MYBPHL: variants seen among roughly 807,000 people sequenced by gnomAD.
The protein encoded by MYBPHL is myosin binding protein H like, also known as myosin-binding protein H-like.
In MYBPHL, 32 loss-of-function variants were observed where a neutral mutation model predicts 39.5. That is an observed-to-expected ratio of 0.81 (90% CI 0.61 to 1.09). MYBPHL has a LOEUF of 1.09. Ranked by LOEUF, MYBPHL falls within the 50% of genes least tolerant of loss-of-function variation. The pLI is 0.00. For synonymous variants in MYBPHL, 196 were observed against 183.7 expected (o/e 1.07, Z -0.54); for missense variants, 456 against 460.2 (o/e 0.99, Z 0.08).
chr1:109,297,768 G>A (rs1484715910), intron 2 of MYBPHL, 151 bp from the exon 3 acceptor site: 3 of 665,218 alleles, frequency 4.5e-6, no homozygotes, highest in Non-Finnish European at 2.5e-6. Flanking sequence ...CCTCCCGGGG[G>A]CCTCCTCCTT....
At position 109,295,145 on chromosome 1, in the gene MYBPHL, C is replaced by T; in HGVS notation, c.1020G>A (p.Gly340=). The T allele has an allele frequency of 6.2e-7, 1 of 1,613,782 alleles. No homozygotes were observed. Among genetic ancestry groups the T allele is most frequent in the Non-Finnish European group, 8.5e-7 (1 of 1,179,968 alleles). Residue 340 remains glycine, a synonymous_variant, in exon 7 of 9, where the codon GGG becomes GGA. Coordinates refer to ENST00000357155, the MANE Select transcript of MYBPHL (RefSeq NM_001010985.3). ...IYTCKAVNPL[G]EASVDCRVDV... ...CCACCCGACAGTCCACAGATGCCTC[C>T]CCTAGGGGGTTCACCGCCTTGCAGG... is the stretch of plus-strand genomic sequence containing the variant.
At chr1:109,301,545 A>G (rs1658279011) in intron 1 of MYBPHL, among the ~76,000 whole-genome samples, 1 of 152,200 alleles carries the variant, frequency 6.6e-6, no homozygotes, top group Non-Finnish European at 1.5e-5. Flanking sequence ...GTTCAAGACC[A>G]GCCTGGTCAA....
chr1:109,295,978 T>A (rs1658043841), intron 6 of MYBPHL, among the ~76,000 whole-genome samples: 1 of 152,194 alleles, frequency 6.6e-6, no homozygotes, highest in African/African-American at 2.4e-5. Flanking sequence ...TTGAGGCGCA[T>A]GCCTAATTGC....
intron 1 of MYBPHL, among the ~76,000 whole-genome samples, chr1:109,299,229 G>A (rs2101479516): frequency 6.6e-6 from 1 of 152,298 alleles, no homozygotes; most frequent in South Asian, 2.1e-4. Flanking sequence ...AGTAGAATGT[G>A]ATAGTGCTTC....
At position 109,306,996 on chromosome 1, in the gene MYBPHL, G is replaced by C. The variant is rs760827759; in HGVS notation, c.-5C>G. ...CGGAGCTGTGGCTGCCTCCATGCTG[G>C]GCCTTCCCAGAGGCTGAGCTCCAGC... is the stretch of plus-strand genomic sequence containing the variant. On this transcript the variant is annotated 5_prime_UTR_variant, in exon 1 of 9. Coordinates refer to ENST00000357155, the MANE Select transcript of MYBPHL (RefSeq NM_001010985.3). 12 of 1,608,478 alleles carry C rather than the reference G, an allele frequency of 7.5e-6. No homozygotes were observed. The highest frequency in any genetic ancestry group is 1.0e-5 in the Non-Finnish European group (12 of 1,177,658).
chr1:109,300,750 A>G (rs1348205157), intron 1 of MYBPHL, among the ~76,000 whole-genome samples: 2 of 148,116 alleles, frequency 1.4e-5, no homozygotes, highest in Non-Finnish European at 2.9e-5. Context: ...GCAAGGAAGG[A>G]GGCTGCCCGC....
In MYBPHL at chr1:109,303,681, C is replaced by G. The variant is rs371161529; in HGVS notation, c.145+3166G>C. ...CGATCTTGCTAGTGTCTAAGGCCCA[C>G]CTACAGTCTATTCTTAACATGGCCA... On this transcript the variant is annotated intron_variant, in intron 1 of 8. Transcript: ENST00000357155. Among the ~76,000 whole-genome samples the G allele has an allele frequency of 7.2e-5, 11 of 152,274 alleles. No individual in the cohort carries two copies. In the East Asian group the frequency reaches 2.1e-3, roughly 29 times the overall value.
chr1:109,306,294 G>C (rs894293266), intron 1 of MYBPHL, among the ~76,000 whole-genome samples: 1 of 152,106 alleles, frequency 6.6e-6, no homozygotes, highest in Non-Finnish European at 1.5e-5. Flanking sequence ...CTTCTCCCAG[G>C]AGAGCTCCAC....
chr1:109,304,591 C>A (rs940194786), intron 1 of MYBPHL, among the ~76,000 whole-genome samples: 1 of 152,192 alleles, frequency 6.6e-6, no homozygotes, highest in African/African-American at 2.4e-5. Flanking sequence ...CCTATGGGAG[C>A]AGTGGGGGAT....
intron 8 of MYBPHL, among the ~76,000 whole-genome samples, chr1:109,293,334 A>G (rs1557760366): frequency 2.6e-5 from 4 of 152,218 alleles, no homozygotes; most frequent in Non-Finnish European, 5.9e-5. Flanking sequence ...AGGACCATTC[A>G]TTAGGTTTAA....
At chr1:109,305,018 G>A (rs1011246612) in intron 1 of MYBPHL, among the ~76,000 whole-genome samples, 4 of 152,144 alleles carry the variant, frequency 2.6e-5, no homozygotes, top group Non-Finnish European at 4.4e-5. Flanking sequence ...GGGGGCTTAG[G>A]GGTCATCTAG....
At chr1:109,300,347 T>C (rs765161681) in intron 1 of MYBPHL, among the ~76,000 whole-genome samples, 17 of 152,154 alleles carry the variant, frequency 1.1e-4, no homozygotes, top group Non-Finnish European at 2.5e-4. Flanking sequence ...ATGAGCACCA[T>C]AGTCAGGGCT....
chr1:109,297,311 A>G, intron 3 of MYBPHL, 111 bp downstream of exon 3: 7 of 1,563,862 alleles, frequency 4.5e-6, no homozygotes, highest in Non-Finnish European at 5.2e-6. Context: ...TGTGTCCCAG[A>G]CATGACGTGG....
rs764890258 is a variant in MYBPHL at position 109,295,177 on chromosome 1, T to C, written c.988A>G (p.Ile330Val). 1.9e-6 allele frequency: 3 copies of C among 1,614,154 alleles called. No homozygotes were observed. Among genetic ancestry groups the C allele is most frequent in the Non-Finnish European group, 2.5e-6 (3 of 1,180,038 alleles). The part of the protein sequence containing the change: ...IRKPGPFDGG[I>V]YTCKAVNPLG... ...GGGTTCACCGCCTTGCAGGTATAGA[T>C]GCCTCCATCAAAGGGACCCGGCTTG... Residue 330 changes from isoleucine to valine, a missense_variant, in exon 7 of 9, where the codon ATC (isoleucine) becomes GTC (valine). Physicochemically the swap from Ile to Val is conservative, Grantham distance 29. Coordinates refer to ENST00000357155, the MANE Select transcript of MYBPHL (RefSeq NM_001010985.3).
At chr1:109,293,956 C>T (rs1021128725) in intron 8 of MYBPHL, among the ~76,000 whole-genome samples, 3 of 151,710 alleles carry the variant, frequency 2.0e-5, no homozygotes, top group Admixed American at 6.6e-5. Context: ...CCCAGCTACT[C>T]GAGAGGTTGA....
chr1:109,299,475 G>A (rs1329532827), intron 1 of MYBPHL, among the ~76,000 whole-genome samples: 1 of 152,174 alleles, frequency 6.6e-6, no homozygotes, highest in South Asian at 2.1e-4. Context: ...TGTAAGTGAC[G>A]CAACTGAAAC....
chr1:109,303,496 A>G (rs1658362724), intron 1 of MYBPHL, among the ~76,000 whole-genome samples: 1 of 152,334 alleles, frequency 6.6e-6, no homozygotes, highest in South Asian at 2.1e-4. Flanking sequence ...ATGGAGTTTA[A>G]CTTGAGGGCC....
chr1:109,303,027 C>T, intron 1 of MYBPHL, among the ~76,000 whole-genome samples: 1 of 152,138 alleles, frequency 6.6e-6, no homozygotes, highest in Non-Finnish European at 1.5e-5. Flanking sequence ...GGCAGAGCCC[C>T]AAGATGAAAG....
intron 1 of MYBPHL, among the ~76,000 whole-genome samples, chr1:109,303,961 C>A (rs1258381483): frequency 6.7e-6 from 1 of 150,260 alleles, no homozygotes; most frequent in Admixed American, 6.6e-5. Flanking sequence ...TATCTGCATG[C>A]ATTGCTTTCT....
Sources: gnomAD v4.1 joint callset for allele counts (sites outside exome capture counted in the v4.1 genomes callset) on GRCh38, gnomAD v4.1.1 for gene constraint, MANE v1.5 for transcripts, NCBI Gene and HGNC (gene_info 2026-07-23, HGNC 2026-07-21) for gene names.